Variants in CDH18 observed in about 807,000 individuals in gnomAD.
CDH18 encodes cadherin-18.
A neutral mutation model predicts 67.9 loss-of-function variants in CDH18; 31 were observed. The observed-to-expected ratio is 0.46, with a 90% confidence interval of 0.34 to 0.62. CDH18 has a LOEUF of 0.62. Ranked by LOEUF, CDH18 falls within the 20% of genes least tolerant of loss-of-function variation. CDH18 has a pLI of 0.01. For synonymous variants in CDH18, 362 were observed against 347.2 expected, an observed-to-expected ratio of 1.04 and a Z score of -0.48; for missense variants, 890 against 975.5, an observed-to-expected ratio of 0.91 and a Z score of 1.17.
chr5:19,557,409 A>AGTATAT (rs1738634484), intron 8 of CDH18, among the ~76,000 whole-genome samples: 1 of 151,990 alleles, frequency 6.6e-6, no homozygotes, highest in Non-Finnish European at 1.5e-5. Context: ...CTGACACAGG[A>AGTATAT]CTAATATACT....
At chr5:19,658,303 T>G (rs1474507613) in intron 5 of CDH18, among the ~76,000 whole-genome samples, 1 of 152,126 alleles carries the variant, frequency 6.6e-6, no homozygotes, top group Non-Finnish European at 1.5e-5. Context: ...TATTTTTAAT[T>G]AAAACTCATG....
At chr5:19,864,055 G>C (rs1785189655) in intron 2 of CDH18, among the ~76,000 whole-genome samples, 1 of 151,154 alleles carries the variant, frequency 6.6e-6, no homozygotes, top group African/African-American at 2.4e-5. Flanking sequence ...TATAAATCAT[G>C]CTGCTATAAA....
At chr5:20,409,944 G>C (rs1265043251) in intron 1 of CDH18, among the ~76,000 whole-genome samples, 5 of 151,384 alleles carry the variant, frequency 3.3e-5, no homozygotes, top group Non-Finnish European at 7.4e-5. Context: ...GAATTATGAA[G>C]AAATAGAAAA....
chr5:19,931,624 T>C (rs1212780122), intron 2 of CDH18, among the ~76,000 whole-genome samples: 1 of 151,884 alleles, frequency 6.6e-6, no homozygotes, highest in Non-Finnish European at 1.5e-5. Context: ...ACAAAAGCTA[T>C]ATTATTAATA....
At chr5:20,504,360 T>C (rs1475430984) in intron 1 of CDH18, among the ~76,000 whole-genome samples, 1 of 152,214 alleles carries the variant, frequency 6.6e-6, no homozygotes, top group Non-Finnish European at 1.5e-5. Context: ...AATGCTTTAA[T>C]GGTATTCCAT....
intron 11 of CDH18, among the ~76,000 whole-genome samples, chr5:19,491,280 TTAGGG>T (rs1350629966): frequency 1.4e-4 from 21 of 152,152 alleles, no homozygotes; most frequent in African/African-American, 5.1e-4. Flanking sequence ...GATTTGCAAC[TTAGGG>T]TGGATTATAT....
At chr5:20,320,153 G>C (rs1737862872) in intron 1 of CDH18, among the ~76,000 whole-genome samples, 1 of 152,122 alleles carries the variant, frequency 6.6e-6, no homozygotes, top group Non-Finnish European at 1.5e-5. Context: ...GAATGTGCTT[G>C]TTGGGATGGA....
At chr5:20,409,231 A>C (rs940074825) in intron 1 of CDH18, among the ~76,000 whole-genome samples, 1 of 151,840 alleles carries the variant, frequency 6.6e-6, no homozygotes, top group Non-Finnish European at 1.5e-5. Flanking sequence ...ATTCTTCTGA[A>C]GTGTACACGA....
At chr5:20,120,690 T>C (rs560012417) in intron 2 of CDH18, among the ~76,000 whole-genome samples, 1 of 152,150 alleles carries the variant, frequency 6.6e-6, no homozygotes. Flanking sequence ...TATTTCACAT[T>C]AGAGATAATA....
chr5:19,841,288 T>TC (rs1336892551), intron 2 of CDH18, among the ~76,000 whole-genome samples: 1 of 152,066 alleles, frequency 6.6e-6, no homozygotes, highest in Non-Finnish European at 1.5e-5. Flanking sequence ...TTCAAAACTC[T>TC]CCTAAAATAT....
At chr5:20,321,729 T>G (rs993722703) in intron 1 of CDH18, among the ~76,000 whole-genome samples, 1 of 152,110 alleles carries the variant, frequency 6.6e-6, no homozygotes, top group Admixed American at 6.5e-5. Flanking sequence ...TCAGATATGT[T>G]ATTGACATAA....
intron 2 of CDH18, among the ~76,000 whole-genome samples, chr5:20,240,460 T>C (rs1224151586): frequency 1.3e-5 from 2 of 152,206 alleles, no homozygotes; most frequent in Non-Finnish European, 1.5e-5. Flanking sequence ...TTTTTAAAAG[T>C]ATTAAAGACC....
At chr5:20,305,586 C>A in intron 1 of CDH18, 1 of 573,608 alleles carries the variant, frequency 1.7e-6, no homozygotes. Flanking sequence ...CGGTCCTGCG[C>A]TGCGGGCCTC....
chr5:19,802,782 T>C (rs1777604914), intron 3 of CDH18, among the ~76,000 whole-genome samples: 1 of 152,226 alleles, frequency 6.6e-6, no homozygotes, highest in Non-Finnish European at 1.5e-5. Flanking sequence ...TCTGGAGCTT[T>C]GAAATTTGAC....
chr5:20,122,389 T>A (rs747583128), intron 2 of CDH18, among the ~76,000 whole-genome samples: 1 of 152,202 alleles, frequency 6.6e-6, no homozygotes, highest in Non-Finnish European at 1.5e-5. Context: ...AGAGATGCCT[T>A]AGTAATGATC....
chr5:20,238,830 G>C (rs1488900781), intron 2 of CDH18, among the ~76,000 whole-genome samples: 1 of 152,086 alleles, frequency 6.6e-6, no homozygotes, highest in Non-Finnish European at 1.5e-5. Context: ...AAACTATGCT[G>C]TGATTAAACA....
chr5:20,552,944 A>G (rs1362389731), intron 1 of CDH18, among the ~76,000 whole-genome samples: 2 of 151,166 alleles, frequency 1.3e-5, no homozygotes, highest in Non-Finnish European at 1.5e-5. Context: ...TAGTAGAGAC[A>G]GGGTTTCACC....
intron 5 of CDH18, among the ~76,000 whole-genome samples, chr5:19,683,103 C>CTCTATCTA (rs70950083): frequency 0.19 from 28,393 of 149,072 alleles, 3,156 homozygotes; most frequent in East Asian, 0.39. Flanking sequence ...CAACATATAA[C>CTCTATCTA]TCTATCTATC....
intron 2 of CDH18, among the ~76,000 whole-genome samples, chr5:19,842,120 G>A (rs1192126715): frequency 6.6e-6 from 1 of 152,174 alleles, no homozygotes; most frequent in African/African-American, 2.4e-5. Flanking sequence ...ATAGAAATAT[G>A]TGGTAGACAT....
Sources: allele counts gnomAD v4.1 joint callset (sites outside exome capture counted in the v4.1 genomes callset), GRCh38; gene constraint gnomAD v4.1.1; transcripts MANE v1.5; gene names NCBI Gene and HGNC (gene_info 2026-07-23, HGNC 2026-07-21).